Variants in TAPT1 observed in about 807,000 individuals in gnomAD.
TAPT1 encodes transmembrane anterior posterior transformation protein 1 homolog.
In TAPT1, 28 loss-of-function variants were observed where a neutral mutation model predicts 65.6. That is an observed-to-expected ratio of 0.43 (90% CI 0.32 to 0.59). The LOEUF (loss-of-function observed/expected upper bound fraction) is 0.59, where lower values mean the gene tolerates loss of function less well. TAPT1 is among the 20% of genes least tolerant of loss of function. TAPT1 has a pLI of 0.09. For missense variants in TAPT1, 563 were observed against 679.9 expected, an observed-to-expected ratio of 0.83 and a Z score of 1.91; for synonymous variants, 278 against 245.2, an observed-to-expected ratio of 1.13 and a Z score of -1.25.
At chr4:16,203,866 G>T (rs1467518810) in intron 2 of TAPT1, among the ~76,000 whole-genome samples, 2 of 152,186 alleles carry the variant, frequency 1.3e-5, no homozygotes, top group African/African-American at 2.4e-5. Context: ...TCAAAAATAT[G>T]CTACACATAA....
Position 16,163,410 on chromosome 4 carries a change from C to T in TAPT1, c.1602G>A (p.Glu534=). ...CAGAATTGTCCTGCGTTATGTCCTT[C>T]TCGTCACCATCTGGAGTTGTCAAAA... is the stretch of plus-strand genomic sequence containing the variant. ...DQFLTTPDGD[E]KDITQDNSEL... Residue 534 remains glutamate (E), a synonymous_variant, in exon 14 of 14, where the codon GAG becomes GAA. Coordinates refer to ENST00000405303, the MANE Select transcript of TAPT1 (RefSeq NM_153365.3). The T allele has an allele frequency of 6.2e-7, 1 of 1,613,964 alleles. No homozygotes were observed. The highest frequency in any genetic ancestry group is 8.5e-7 in the Non-Finnish European group (1 of 1,179,872).
intron 11 of TAPT1, among the ~76,000 whole-genome samples, chr4:16,173,151 G>A (rs551714138): frequency 2.0e-5 from 3 of 152,042 alleles, no homozygotes; most frequent in Non-Finnish European, 4.4e-5. Context: ...TGTTAGAATC[G>A]GTAGTCAAGA....
Position 16,163,197 on chromosome 4 carries a change from A to ATTT in TAPT1, c.*108_*110dup, listed in dbSNP as rs1747365251. ...TACTAAGATTTGCTTGCCAATAATA[A>ATTT]TTTAAGTTTTTAAATAAATATTTAA... On this transcript the variant is annotated 3_prime_UTR_variant, in exon 14 of 14. Coordinates refer to ENST00000405303, the MANE Select transcript of TAPT1 (RefSeq NM_153365.3). 9.8e-6 allele frequency: 8 copies of ATTT among 819,122 alleles called. No homozygotes were observed. Among genetic ancestry groups the ATTT allele is most frequent in the Non-Finnish European group, 1.6e-5 (8 of 499,256 alleles). The allele number at this position is 819,122 out of a possible 1,614,324, so 50.7% of individuals were successfully genotyped here.
At chr4:16,215,486 T>C (rs77160535) in intron 1 of TAPT1, among the ~76,000 whole-genome samples, 3,445 of 152,260 alleles carry the variant, frequency 0.023, 130 homozygotes, top group African/African-American at 0.078. Flanking sequence ...TATATGTGTA[T>C]GTACACACAT....
Position 16,186,602 on chromosome 4 carries a change from A to G in TAPT1, c.849T>C (p.Phe283=), listed in dbSNP as rs1749029851. The change falls in exon 7 of 14, where the codon TTT becomes TTC. Residue 283 remains phenylalanine, a splice_region_variant and synonymous_variant. Transcript: ENST00000405303. The part of the protein sequence containing the change: ...SLLTIMMSNN[F]VEIKGSVFKK... ...TGAAAACACTTCCTTTAATTTCAACAAACTGAAATAGTAAACAGAAATACC... is the reference window on the plus strand; with the variant it reads ...TGAAAACACTTCCTTTAATTTCAACGAACTGAAATAGTAAACAGAAATACC... 1.3e-6 allele frequency: 2 copies of G among 1,522,044 alleles called. No homozygotes were observed. 94.3% of individuals were successfully genotyped at this position (1,522,044 alleles called of 1,614,324 possible).
intron 9 of TAPT1, chr4:16,175,010 A>G (rs1748237223): frequency 3.9e-6 from 1 of 254,750 alleles, no homozygotes; most frequent in Non-Finnish European, 7.3e-6. Context: ...GAATTTGGGG[A>G]AAAGTGACTA....
At chr4:16,165,486 C>T (rs1017812025) in intron 13 of TAPT1, among the ~76,000 whole-genome samples, 9 of 151,176 alleles carry the variant, frequency 6.0e-5, no homozygotes, top group African/African-American at 1.5e-4. Flanking sequence ...AGGAGAATGC[C>T]GTGAACCTGG....
At chr4:16,179,690 G>T in intron 7 of TAPT1, 33 bp from the exon 8 acceptor site, 1 of 1,160,246 alleles carries the variant, frequency 8.6e-7, no homozygotes, top group Non-Finnish European at 1.2e-6. Context: ...AAGTACTGTA[G>T]TGTATATAAA....
intron 1 of TAPT1, among the ~76,000 whole-genome samples, chr4:16,217,399 G>C (rs1455904890): frequency 6.6e-6 from 1 of 152,170 alleles, no homozygotes; most frequent in Non-Finnish European, 1.5e-5. Context: ...AAAGGGAAGT[G>C]ACTAAGAAAA....
In TAPT1 at chr4:16,161,076, C is replaced by T. The variant is rs761584103; in HGVS notation, c.*2232G>A. 6.6e-6 allele frequency: 1 copy of T among 152,578 alleles called. No individual in the cohort carries two copies. Among genetic ancestry groups the T allele is most frequent in the Non-Finnish European group, 1.5e-5 (1 of 68,032 alleles). The allele number at this position is 152,578 out of a possible 1,614,324, so 9.5% of individuals were successfully genotyped here. A position where few individuals can be genotyped will look rare whatever the true frequency, so the allele number is the denominator to read the frequency against. On this transcript the variant is annotated 3_prime_UTR_variant, in exon 14 of 14. Coordinates refer to ENST00000405303, the MANE Select transcript of TAPT1 (RefSeq NM_153365.3). ...TCAAAACACTTGTAAAATGCAAATA[C>T]CTTCATTTGCTGAGAAATATTAAAT... is the stretch of plus-strand genomic sequence containing the variant.
chr4:16,174,350 A>G lies in TAPT1; in HGVS notation c.1168-78T>C, dbSNP rs777516907. ...TTAAAAGTACTATTCACTTATTACCAGCAAATGTTCTAAACAGGTGAGGCT... is the reference window on the plus strand; with the variant it reads ...TTAAAAGTACTATTCACTTATTACCGGCAAATGTTCTAAACAGGTGAGGCT... On this transcript the variant is annotated intron_variant, in intron 10 of 13. Coordinates refer to ENST00000405303, the MANE Select transcript of TAPT1 (RefSeq NM_153365.3). 8.3e-5 allele frequency: 106 copies of G among 1,280,708 alleles called. 1 individual carries two copies. The highest frequency in any genetic ancestry group is 7.5e-4 in the South Asian group (56 of 74,448). 79.3% of individuals were successfully genotyped at this position (1,280,708 alleles called of 1,614,324 possible). A position where few individuals can be genotyped will look rare whatever the true frequency, so the allele number is the denominator to read the frequency against.
At chr4:16,210,339 G>C (rs1200817101) in intron 2 of TAPT1, among the ~76,000 whole-genome samples, 1 of 152,190 alleles carries the variant, frequency 6.6e-6, no homozygotes, top group Non-Finnish European at 1.5e-5. Flanking sequence ...CTGGGACACA[G>C]GGAAATCCTA....
chr4:16,197,322 G>A lies in TAPT1; in HGVS notation c.449+5140C>T, dbSNP rs144407228. Among the ~76,000 whole-genome samples, 161 of 152,200 alleles carry A rather than the reference G, an allele frequency of 1.1e-3. 1 individual carries two copies. The highest frequency in any genetic ancestry group is 4.9e-3 in the Admixed American group (75 of 15,280). On this transcript the variant is annotated intron_variant, in intron 3 of 13. Coordinates refer to ENST00000405303, the MANE Select transcript of TAPT1 (RefSeq NM_153365.3). The stretch of plus-strand genomic sequence containing the variant: ...AAAAACAAAAACCAAAAAACACTCC[G>A]GCATTTATTACTTAAGCCTGTTCAA...
At chr4:16,226,924 C>A, upstream of TAPT1, 1 of 384,256 alleles carries the variant, frequency 2.6e-6, no homozygotes, top group South Asian at 1.9e-5. Flanking sequence ...CCGCTCAGGG[C>A]CTCTTTTGCA....
chr4:16,225,809 T>C lies in TAPT1; in HGVS notation c.199+450A>G, dbSNP rs188491766. 28 of 886,270 alleles carry C rather than the reference T, an allele frequency of 3.2e-5. No individual in the cohort carries two copies. In the African/African-American group the frequency reaches 4.3e-4, roughly 14 times the overall value. 54.9% of individuals were successfully genotyped at this position (886,270 alleles called of 1,614,324 possible). The stretch of plus-strand genomic sequence containing the variant: ...GTCAGCTGTCTGTGAAAAATCTACT[T>C]GCAGGGCAAGTTAACAGGTTTCTAT... On this transcript the variant is annotated intron_variant, in intron 1 of 13. Transcript: ENST00000405303.
In TAPT1 at chr4:16,162,866, G is replaced by T; in HGVS notation, c.*442C>A. ...TTAATGCTTTGGCAGATGAAGTAAC[G>T]TTTGAAAACTGTTTGTGAAAATAGT... On this transcript the variant is annotated 3_prime_UTR_variant, in exon 14 of 14. Coordinates refer to ENST00000405303, the MANE Select transcript of TAPT1 (RefSeq NM_153365.3). 2.8e-6 allele frequency: 1 copy of T among 362,818 alleles called. No homozygotes were observed. Among genetic ancestry groups the T allele is most frequent in the South Asian group, 2.0e-5 (1 of 49,820 alleles). The allele number at this position is 362,818 out of a possible 1,614,324, so 22.5% of individuals were successfully genotyped here.
At chr4:16,197,709 TTA>T (rs932891368) in intron 3 of TAPT1, among the ~76,000 whole-genome samples, 12 of 152,344 alleles carry the variant, frequency 7.9e-5, no homozygotes, top group African/African-American at 1.9e-4. Flanking sequence ...TAGTTCTGTT[TTA>T]TATGTCATGA....
chr4:16,185,791 A>G lies in TAPT1; in HGVS notation c.916+744T>C, dbSNP rs149159121. Among the ~76,000 whole-genome samples, 603 of 151,576 alleles carry G rather than the reference A, an allele frequency of 4.0e-3. 1 individual carries two copies. The highest frequency in any genetic ancestry group is 6.5e-3 in the Non-Finnish European group (439 of 67,874). ...AGGACTGCAGGCCTCCCCATAACAC[A>G]CCCCTCCTTCCTCAAGGACATCATC... On this transcript the variant is annotated intron_variant, in intron 7 of 13. Coordinates refer to ENST00000405303, the MANE Select transcript of TAPT1 (RefSeq NM_153365.3).
intron 2 of TAPT1, among the ~76,000 whole-genome samples, chr4:16,209,849 ATTAT>A (rs2149709504): frequency 6.6e-6 from 1 of 152,280 alleles, no homozygotes; most frequent in Non-Finnish European, 1.5e-5. Context: ...CATAACAAAC[ATTAT>A]TTATTATTCA....
Sources: allele counts gnomAD v4.1 joint callset (sites outside exome capture counted in the v4.1 genomes callset), GRCh38; gene constraint gnomAD v4.1.1; transcripts MANE v1.5; gene names NCBI Gene and HGNC (gene_info 2026-07-23, HGNC 2026-07-21).